ITGAD: variants seen among roughly 807,000 people sequenced by gnomAD.
ITGAD encodes integrin subunit alpha D, also known as integrin alpha-D.
ITGAD carries 105 observed loss-of-function variants against 139.0 expected under a neutral mutation model. The ratio of observed to expected loss-of-function variants is 0.76; its 90% CI spans 0.65 to 0.89. The LOEUF (loss-of-function observed/expected upper bound fraction) is 0.89. ITGAD is among the 40% of genes least tolerant of loss of function. The pLI, the probability that ITGAD is intolerant of heterozygous loss-of-function variation, is 0.00. For synonymous variants in ITGAD, 569 were observed against 598.3 expected (o/e 0.95, Z 0.71); for missense variants, 1,384 against 1,487.3 (o/e 0.93, Z 1.14).
rs755339373 is a variant in ITGAD at position 31,423,578 on chromosome 16, CCT to C, written c.2976_2977del (p.Val994PhefsTer10). On this transcript the variant is annotated frameshift_variant, in exon 26 of 30. Coordinates refer to ENST00000389202, the MANE Select transcript of ITGAD (RefSeq NM_005353.3). LOFTEE classifies it high-confidence loss of function. ...GCTTCTTTCTCTTCCCAGAGTCTCC[CCT>C]GTGTTTCAGAGAGAAAACCTCCCCA... 3 of 1,614,044 alleles carry C rather than the reference CCT, an allele frequency of 1.9e-6. No individual in the cohort carries two copies. In the South Asian group the frequency reaches 3.3e-5, roughly 18 times the overall value.
chr16:31,422,203 G>T (rs1786640766), intron 23 of ITGAD, among the ~76,000 whole-genome samples: 2 of 151,810 alleles, frequency 1.3e-5, no homozygotes, highest in African/African-American at 4.8e-5. Context: ...GTCTCTCTAA[G>T]TGTTGGGATT....
chr16:31,423,998 G>A, intron 27 of ITGAD, 40 bp downstream of exon 27: 1 of 1,611,110 alleles, frequency 6.2e-7, no homozygotes, highest in African/African-American at 1.3e-5. Flanking sequence ...CCCAGACTCA[G>A]GCAGGACCTG....
In ITGAD at chr16:31,424,493, G is replaced by A. The variant is rs1280008478; in HGVS notation, c.3288G>A (p.Glu1096=). The A allele has an allele frequency of 6.2e-7, 1 of 1,613,874 alleles. No individual in the cohort carries two copies. Among genetic ancestry groups the A allele is most frequent in the Admixed American group, 1.7e-5 (1 of 59,988 alleles). The part of the protein sequence containing the change: ...AQMEMVLEED[E]VYNAIPIIMG... ...TGGAGATGGTGCTAGAAGAAGACGA[G>A]GTCTACAATGCCATTCCCATCATCA... Residue 1096 remains glutamate (E), a synonymous_variant, in exon 29 of 30, where the codon GAG becomes GAA. Coordinates refer to ENST00000389202, the MANE Select transcript of ITGAD (RefSeq NM_005353.3).
intron 14 of ITGAD, 134 bp from the exon 15 acceptor site, chr16:31,412,704 T>C: frequency 9.2e-7 from 1 of 1,085,958 alleles, no homozygotes; most frequent in Non-Finnish European, 1.4e-6. Flanking sequence ...TTCAGGCTCT[T>C]GTTGGTGACA....
intron 14 of ITGAD, 133 bp from the exon 15 acceptor site, chr16:31,412,705 G>T (rs1270333257): frequency 1.8e-6 from 2 of 1,095,032 alleles, no homozygotes; most frequent in Non-Finnish European, 2.7e-6. Flanking sequence ...TCAGGCTCTT[G>T]TTGGTGACAT....
In ITGAD at chr16:31,402,126, C is replaced by G. The variant is rs1159632814; in HGVS notation, c.439C>G (p.Gln147Glu). 4.3e-6 allele frequency: 7 copies of G among 1,613,876 alleles called. No individual in the cohort carries two copies. The highest frequency in any genetic ancestry group is 1.3e-5 in the African/African-American group (1 of 75,074). Residue 147 changes from glutamine to glutamate, a missense_variant, in exon 6 of 30, where the codon CAA becomes GAA. Transcript: ENST00000389202. ...CCATTCCCCCACAGAGTGTCCACAT[C>G]AAGAGATGGACATCGTCTTCCTGAT... Reference protein sequence around the residue: ...VPDATPECPHQEMDIVFLIDG... With the variant: ...VPDATPECPHEEMDIVFLIDG...
At chr16:31,395,843 G>C (rs907973412) in intron 2 of ITGAD, among the ~76,000 whole-genome samples, 11 of 152,154 alleles carry the variant, frequency 7.2e-5, no homozygotes, top group Admixed American at 1.3e-4. Context: ...AGTTGGTCAC[G>C]AGGAGCTATA....
Position 31,426,262 on chromosome 16 carries a change from G to A in ITGAD, c.*134G>A, listed in dbSNP as rs112218118. ...CCTACCAGGTGCTAAGCACCTTCTC[G>A]GAGAGATAGAGATTGTAATGTTTTT... On this transcript the variant is annotated 3_prime_UTR_variant, in exon 30 of 30. Coordinates refer to ENST00000389202, the MANE Select transcript of ITGAD (RefSeq NM_005353.3). 11 of 628,710 alleles carry A rather than the reference G, an allele frequency of 1.7e-5. No homozygotes were observed. Among genetic ancestry groups the A allele is most frequent in the South Asian group, 5.6e-5 (3 of 53,652 alleles). 38.9% of individuals were successfully genotyped at this position (628,710 alleles called of 1,614,324 possible). A position where few individuals can be genotyped will look rare whatever the true frequency, so the allele number is the denominator to read the frequency against.
At chr16:31,409,686 G>C (rs535518413) in intron 10 of ITGAD, among the ~76,000 whole-genome samples, 6 of 152,020 alleles carry the variant, frequency 3.9e-5, no homozygotes, top group African/African-American at 1.2e-4. Flanking sequence ...GACGTGGGAG[G>C]GTCACTTGAG....
Position 31,423,900 on chromosome 16 carries a change from T to C in ITGAD, c.3101T>C (p.Val1034Ala). The C allele has an allele frequency of 6.2e-7, 1 of 1,614,216 alleles. No individual in the cohort carries two copies. The highest frequency in any genetic ancestry group is 8.5e-7 in the Non-Finnish European group (1 of 1,180,040). Residue 1034 changes from valine (V) to alanine (A), a missense_variant, in exon 27 of 30, where the codon GTC (valine) becomes GCC (alanine). By Grantham distance (64) the Val-to-Ala change is moderately conservative (BLOSUM62 0). Coordinates refer to ENST00000389202, the MANE Select transcript of ITGAD (RefSeq NM_005353.3). ...CGCTGTGACGTCCCCTCCTTCAGCG[T>C]CCAGGAGGAGCTGGATTTCACCCTG... ...QFRCDVPSFS[V>A]QEELDFTLKG...
Position 31,403,408 on chromosome 16 carries a change from G to A in ITGAD, c.559-92G>A. ...GAGGCAGGAGGATCACTTGAGGCCA[G>A]GAGTTTGAGAGACCCTGTCTCTACA... On this transcript the variant is annotated intron_variant, in intron 6 of 29. Transcript: ENST00000389202. This position sits in a 1 kb window ranked among gnomAD's most constrained non-coding sequence, Gnocchi z 4.4. The A allele has an allele frequency of 6.8e-7, 1 of 1,465,936 alleles. No individual in the cohort carries two copies. The highest frequency in any genetic ancestry group is 9.4e-7 in the Non-Finnish European group (1 of 1,065,080). 90.8% of individuals were successfully genotyped at this position (1,465,936 alleles called of 1,614,324 possible).
chr16:31,393,772 T>C (rs971029552), intron 1 of ITGAD, among the ~76,000 whole-genome samples: 2 of 152,106 alleles, frequency 1.3e-5, no homozygotes, highest in Non-Finnish European at 2.9e-5. Context: ...CCCCAAGTCC[T>C]GACTGCACGT....
chr16:31,417,761 A>G lies in ITGAD; in HGVS notation c.2500-314A>G, dbSNP rs145193041. On this transcript the variant is annotated intron_variant, in intron 20 of 29. Coordinates refer to ENST00000389202, the MANE Select transcript of ITGAD (RefSeq NM_005353.3). ...GGAGTTTGAGACTGGCCTGGCCAAC[A>G]TGGTGAAACCCCATTTCTACTGAAA... is the stretch of plus-strand genomic sequence containing the variant. Among the ~76,000 whole-genome samples the G allele has an allele frequency of 3.7e-4, 56 of 152,244 alleles. 1 individual carries two copies. In the East Asian group the frequency reaches 0.01, roughly 28 times the overall value.
At position 31,397,806 on chromosome 16, in the gene ITGAD, G is replaced by A. The variant is rs1391929230; in HGVS notation, c.324G>A (p.Pro108=). ...GCTTCTGCCTCCAGGCCTGTGGCCC[G>A]ACCCTGCACAGAGTCTGTGGGGAGA... ...TNGSRLLACG[P]TLHRVCGENS... Residue 108 remains proline (P), a synonymous_variant, in exon 5 of 30, where the codon CCG becomes CCA. Transcript: ENST00000389202. The A allele has an allele frequency of 7.4e-6, 12 of 1,613,178 alleles. No homozygotes were observed. Among genetic ancestry groups the A allele is most frequent in the South Asian group, 1.1e-5 (1 of 91,026 alleles).
chr16:31,408,251 C>T (rs193077842), intron 9 of ITGAD, among the ~76,000 whole-genome samples, 174 bp from the exon 10 acceptor site: 1 of 152,158 alleles, frequency 6.6e-6, no homozygotes. Context: ...GGATTACAGG[C>T]GTGAGCCACT....
intron 7 of ITGAD, among the ~76,000 whole-genome samples, chr16:31,406,836 G>A (rs2081552257): frequency 6.6e-6 from 1 of 152,156 alleles, no homozygotes; most frequent in East Asian, 1.9e-4. Flanking sequence ...TTCACTGGGG[G>A]CCATCTTTTG....
chr16:31,414,408 G>A (rs1226521906), intron 16 of ITGAD, 43 bp from the exon 17 acceptor site: 2 of 1,600,142 alleles, frequency 1.2e-6, no homozygotes, highest in African/African-American at 1.3e-5. Flanking sequence ...AGCATTCTAG[G>A]TTATTTCTGC....
In ITGAD at chr16:31,424,082, T is replaced by C. The variant is rs1174232707; in HGVS notation, c.3160-20T>C. 1 of 1,614,174 alleles carries C rather than the reference T, an allele frequency of 6.2e-7. No individual in the cohort carries two copies. Among genetic ancestry groups the C allele is most frequent in the African/African-American group, 1.3e-5 (1 of 75,058 alleles). On this transcript the variant is annotated intron_variant, in intron 27 of 29. Coordinates refer to ENST00000389202, the MANE Select transcript of ITGAD (RefSeq NM_005353.3). Reference sequence around the variant, plus strand: ...CTCCCCCAGAGCCAGTTCCACAGGTTTCCCCCAACCCCTTTGCAGACATTG... The same window carrying C: ...CTCCCCCAGAGCCAGTTCCACAGGTCTCCCCCAACCCCTTTGCAGACATTG...
chr16:31,397,062 G>GTTTTTTTTT (rs539015704), intron 2 of ITGAD, among the ~76,000 whole-genome samples: 2 of 100,822 alleles, frequency 2.0e-5, no homozygotes, highest in East Asian at 5.6e-4. Context: ...CTTTAAATAG[G>GTTTTTTTTT]TTTTTTTTTT....
Sources: gnomAD v4.1 joint callset for allele counts (sites outside exome capture counted in the v4.1 genomes callset) on GRCh38, gnomAD v4.1.1 for gene constraint, Gnocchi (gnomAD v3.1) non-coding constraint, MANE v1.5 for transcripts, NCBI Gene and HGNC (gene_info 2026-07-23, HGNC 2026-07-21) for gene names.